STIM1: variants seen among roughly 807,000 people sequenced by gnomAD.
STIM1 encodes stromal interaction molecule 1.
A neutral mutation model predicts 74.7 loss-of-function variants in STIM1; 25 were observed. The observed-to-expected ratio is 0.33, with a 90% CI of 0.24 to 0.47. STIM1 has a LOEUF of 0.47. STIM1 is among the 20% of genes least tolerant of loss of function. The probability of loss-of-function intolerance (pLI) is 1.00; values close to 1 mark genes in which losing one functional copy is unlikely to be tolerated. For synonymous variants in STIM1, 328 were observed against 348.8 expected (o/e 0.94, Z 0.66); for missense variants, 728 against 920.8 (o/e 0.79, Z 2.71).
At chr11:3,958,319 G>T (rs1018170561) in intron 1 of STIM1, among the ~76,000 whole-genome samples, 1 of 152,010 alleles carries the variant, frequency 6.6e-6, no homozygotes, top group African/African-American at 2.4e-5. Context: ...ACCAGCCTGG[G>T]CAACATAACA....
intron 2 of STIM1, among the ~76,000 whole-genome samples, chr11:3,997,590 C>T (rs1018411821): frequency 5.9e-5 from 9 of 152,114 alleles, no homozygotes; most frequent in Non-Finnish European, 7.4e-5. Flanking sequence ...ACACATAATC[C>T]GGATCTCAAC....
At position 4,019,033 on chromosome 11, in the gene STIM1, G is replaced by A. The variant is rs180710780; in HGVS notation, c.271-4840G>A. On this transcript the variant is annotated intron_variant, in intron 2 of 12. Transcript: ENST00000526596. ...TGTTGCATCTGCTCAAACCAGCATG[G>A]TCTGATCTGGAAATATAGCCTCAAT... 2.6e-3 allele frequency: 460 copies of A among 177,092 alleles called. 2 individuals carry two copies. Among genetic ancestry groups the A allele is most frequent in the Non-Finnish European group, 4.2e-3 (336 of 79,410 alleles). The allele number at this position is 177,092 out of a possible 1,614,324, so 11.0% of individuals were successfully genotyped here. A position where few individuals can be genotyped will look rare whatever the true frequency, so the allele number is the denominator to read the frequency against.
chr11:4,003,018 C>A (rs1448966267), intron 2 of STIM1, among the ~76,000 whole-genome samples: 1 of 150,624 alleles, frequency 6.6e-6, no homozygotes, highest in Non-Finnish European at 1.5e-5. Flanking sequence ...GACACATACA[C>A]TCTCCCAAGA....
chr11:4,022,379 A>G (rs1262821162), intron 2 of STIM1, among the ~76,000 whole-genome samples: 1 of 148,960 alleles, frequency 6.7e-6, no homozygotes, highest in Non-Finnish European at 1.5e-5. Flanking sequence ...TGTTGTCTGC[A>G]TGCAGGGGCA....
intron 2 of STIM1, among the ~76,000 whole-genome samples, chr11:3,986,740 T>C (rs1260850805): frequency 6.6e-6 from 1 of 152,210 alleles, no homozygotes; most frequent in Non-Finnish European, 1.5e-5. Context: ...GGGAAGTATC[T>C]AGAGAATAGT....
At chr11:4,066,741 C>T (rs1226001893) in intron 5 of STIM1, among the ~76,000 whole-genome samples, 2 of 152,098 alleles carry the variant, frequency 1.3e-5, no homozygotes, top group Non-Finnish European at 2.9e-5. Context: ...AAGAGATAAC[C>T]TATGTTTACC....
chr11:4,090,128 G>A (rs781645486), intron 12 of STIM1, among the ~76,000 whole-genome samples: 2 of 152,106 alleles, frequency 1.3e-5, no homozygotes, highest in African/African-American at 2.4e-5. Context: ...CGACCGGCCC[G>A]TACATAGGCC....
intron 4 of STIM1, chr11:4,058,825 G>A (rs982312145): frequency 4.0e-6 from 4 of 1,010,488 alleles, no homozygotes; most frequent in Non-Finnish European, 4.7e-6. Flanking sequence ...CACATTAGCA[G>A]GTTTATATAT....
At chr11:3,941,673 T>TATAGAGAGAGAGAGAGAG (rs141623520) in intron 1 of STIM1, among the ~76,000 whole-genome samples, 12 of 90,732 alleles carry the variant, frequency 1.3e-4, no homozygotes, top group Non-Finnish European at 2.5e-4. Flanking sequence ...TATATATATA[T>TATAGAGAGAGAGAGAGAG]AGAGAGAGAG....
At chr11:3,857,306 C>T (rs1012870319) in intron 1 of STIM1, among the ~76,000 whole-genome samples, 4 of 151,874 alleles carry the variant, frequency 2.6e-5, no homozygotes, top group African/African-American at 9.7e-5. Context: ...AGCTGGAATG[C>T]AGTAGTGTGA....
chr11:3,983,989 C>T (rs773879535), intron 2 of STIM1, among the ~76,000 whole-genome samples: 5 of 152,026 alleles, frequency 3.3e-5, no homozygotes, highest in Admixed American at 2.6e-4. Flanking sequence ...GCCTCAGCCT[C>T]GCGAGTAGCT....
At chr11:3,916,596 T>C (rs7108817) in intron 1 of STIM1, among the ~76,000 whole-genome samples, 81,206 of 151,468 alleles carry the variant, frequency 0.54, 23,154 homozygotes, top group African/African-American at 0.75. Flanking sequence ...GGATTACAGG[T>C]GCCTGCCACC....
intron 1 of STIM1, 114 bp from the exon 2 acceptor site, chr11:3,967,437 AG>A: frequency 6.6e-7 from 1 of 1,505,516 alleles, no homozygotes; most frequent in Non-Finnish European, 9.2e-7. Context: ...ACAAGTAGCC[AG>A]TTAAGTGCCT....
At chr11:4,034,219 A>T in intron 3 of STIM1, among the ~76,000 whole-genome samples, 1 of 152,000 alleles carries the variant, frequency 6.6e-6, no homozygotes, top group South Asian at 2.1e-4. Flanking sequence ...ACAGAGTGAG[A>T]CACTGTCTCG....
chr11:3,888,703 A>G (rs992904626), intron 1 of STIM1, among the ~76,000 whole-genome samples: 9 of 152,168 alleles, frequency 5.9e-5, no homozygotes, highest in Admixed American at 3.3e-4. Context: ...GGTGTGCACC[A>G]CCATACCCAG....
intron 1 of STIM1, among the ~76,000 whole-genome samples, chr11:3,947,172 A>G (rs1308520681): frequency 6.6e-6 from 1 of 151,016 alleles, no homozygotes; most frequent in Non-Finnish European, 1.5e-5. Flanking sequence ...AGCTGTGGAC[A>G]GGAAACCCTT....
At chr11:3,965,780 C>A (rs376412534) in intron 1 of STIM1, among the ~76,000 whole-genome samples, 4 of 151,960 alleles carry the variant, frequency 2.6e-5, no homozygotes, top group African/African-American at 9.7e-5. Flanking sequence ...CCGAGGTGGG[C>A]GGATCACTTG....
intron 3 of STIM1, among the ~76,000 whole-genome samples, chr11:4,050,934 C>G (rs2094234832): frequency 6.6e-6 from 1 of 151,914 alleles, no homozygotes; most frequent in Non-Finnish European, 1.5e-5. Context: ...AGTGGATCAT[C>G]ATAAAGGTTT....
chr11:3,947,889 A>G (rs1197217487), intron 1 of STIM1, among the ~76,000 whole-genome samples: 1 of 152,238 alleles, frequency 6.6e-6, no homozygotes, highest in African/African-American at 2.4e-5. Context: ...CTGACTTTAC[A>G]AAGTTTCAAA....
Sources: gnomAD v4.1 joint callset for allele counts (sites outside exome capture counted in the v4.1 genomes callset) on GRCh38, gnomAD v4.1.1 for gene constraint, MANE v1.5 for transcripts, NCBI Gene and HGNC (gene_info 2026-07-23, HGNC 2026-07-21) for gene names.